The following ADGRD1 variants were observed in gnomAD, a reference collection of about 807,000 sequenced individuals.
ADGRD1 encodes the protein adhesion G protein-coupled receptor D1.
ADGRD1 carries 77 observed loss-of-function variants against 113.4 expected under a neutral mutation model. That is an observed-to-expected ratio of 0.68 (90% CI 0.57 to 0.82). ADGRD1 has a LOEUF of 0.82. Ranked by LOEUF, ADGRD1 falls within the 40% of genes least tolerant of loss-of-function variation. The probability of loss-of-function intolerance (pLI) is 0.00; values close to 1 mark genes in which losing one functional copy is unlikely to be tolerated. For missense variants in ADGRD1, 1,036 were observed against 1,139.1 expected (o/e 0.91, Z 1.30); for synonymous variants, 474 against 475.0 (o/e 1.00, Z 0.03).
intron 12 of ADGRD1, among the ~76,000 whole-genome samples, chr12:131,011,841 G>A (rs1566027691): frequency 1.3e-5 from 2 of 152,228 alleles, no homozygotes; most frequent in Admixed American, 1.3e-4. Context: ...CACAGAGAGT[G>A]AGAACCAGGC....
chr12:131,133,717 A>C (rs1454167147), intron 21 of ADGRD1, among the ~76,000 whole-genome samples: 2 of 152,154 alleles, frequency 1.3e-5, no homozygotes, highest in Non-Finnish European at 2.9e-5. Flanking sequence ...CCCCTCAGGG[A>C]TGCTTCCTCA....
chr12:131,044,345 G>A (rs987419610), intron 13 of ADGRD1, among the ~76,000 whole-genome samples: 1 of 152,162 alleles, frequency 6.6e-6, no homozygotes, highest in African/African-American at 2.4e-5. Context: ...CTGGGTCCGC[G>A]CGTGTTGCTG....
chr12:131,032,593 G>T (rs1314053837), intron 13 of ADGRD1, among the ~76,000 whole-genome samples: 1 of 152,196 alleles, frequency 6.6e-6, no homozygotes, highest in Non-Finnish European at 1.5e-5. Context: ...TGCTCACTGT[G>T]CTTCCTCCAG....
At position 130,971,397 on chromosome 12, in the gene ADGRD1, T is replaced by G. The variant is rs528268194; in HGVS notation, c.188-61T>G. ...AAGTTATTTGTAGGTCTGACACACA[T>G]CTTCAGACTTTTAATCTCGGAAGGT... On this transcript the variant is annotated intron_variant, in intron 3 of 24. Coordinates refer to ENST00000261654, the MANE Select transcript of ADGRD1 (RefSeq NM_198827.5). This position sits in a 1 kb window ranked among gnomAD's most constrained non-coding sequence, Gnocchi z 4.2. 1,669 of 1,448,386 alleles carry G rather than the reference T, an allele frequency of 1.2e-3. 5 individuals carry two copies. Among genetic ancestry groups the G allele is most frequent in the Non-Finnish European group, 1.4e-3 (1,486 of 1,044,032 alleles). 89.7% of individuals were successfully genotyped at this position (1,448,386 alleles called of 1,614,324 possible).
chr12:131,133,720 C>T (rs913674656), intron 21 of ADGRD1, among the ~76,000 whole-genome samples: 3 of 152,208 alleles, frequency 2.0e-5, no homozygotes, highest in African/African-American at 4.8e-5. Flanking sequence ...CTCAGGGATG[C>T]TTCCTCACAA....
chr12:131,050,958 C>T lies in ADGRD1; in HGVS notation c.1474-25843C>T, dbSNP rs1269770482. Reference sequence around the variant, plus strand: ...CCCACCGCTCTGTGTGCTGTGTGCCCGGTTCCTAACAGGCCACGGGCTGGT... The same window carrying T: ...CCCACCGCTCTGTGTGCTGTGTGCCTGGTTCCTAACAGGCCACGGGCTGGT... On this transcript the variant is annotated intron_variant, in intron 13 of 24. Transcript: ENST00000261654. The surrounding 1 kb of genome is among the most constrained non-coding windows in gnomAD (Gnocchi z 4.8). Among the ~76,000 whole-genome samples the T allele has an allele frequency of 3.9e-5, 6 of 152,204 alleles. No individual in the cohort carries two copies. In the South Asian group the frequency reaches 6.2e-4, roughly 16 times the overall value.
At chr12:131,048,071 A>G (rs1413485143) in intron 13 of ADGRD1, among the ~76,000 whole-genome samples, 1 of 152,186 alleles carries the variant, frequency 6.6e-6, no homozygotes, top group Admixed American at 6.5e-5. Context: ...ACCTCTCACC[A>G]GCTGGACTTG....
intron 13 of ADGRD1, among the ~76,000 whole-genome samples, chr12:131,055,765 C>T (rs940759922): frequency 6.6e-6 from 1 of 152,174 alleles, no homozygotes; most frequent in Non-Finnish European, 1.5e-5. Flanking sequence ...TGGGGACAGC[C>T]ACAGAGCTTC....
At chr12:131,109,461 T>C (rs866111308) in intron 18 of ADGRD1, among the ~76,000 whole-genome samples, 6 of 152,350 alleles carry the variant, frequency 3.9e-5, no homozygotes, top group Middle Eastern at 3.4e-3. Flanking sequence ...TAAATTCATC[T>C]CAAAGTATTT....
chr12:131,069,732 CAA>C (rs1885007429), intron 13 of ADGRD1: 1 of 152,128 alleles, frequency 6.6e-6, no homozygotes, highest in Non-Finnish European at 1.5e-5. Context: ...GTCATGAAAA[CAA>C]GACAAAATCC....
intron 5 of ADGRD1, among the ~76,000 whole-genome samples, chr12:130,983,769 A>T (rs1342209315): frequency 6.6e-6 from 1 of 152,208 alleles, no homozygotes; most frequent in African/African-American, 2.4e-5. Flanking sequence ...CCCTGATGTC[A>T]TTCTGGGTGA....
chr12:131,086,041 G>C (rs73166649), intron 15 of ADGRD1, among the ~76,000 whole-genome samples: 3 of 152,102 alleles, frequency 2.0e-5, no homozygotes, highest in Admixed American at 6.6e-5. Flanking sequence ...AGCTCAGGTG[G>C]TTCCCAGCAG....
chr12:130,987,440 A>G lies in ADGRD1; in HGVS notation c.745+91A>G. 2.0e-6 allele frequency: 3 copies of G among 1,470,868 alleles called. No homozygotes were observed. The South Asian group carries it at 3.7e-5, about 18-fold the overall frequency. The allele number at this position is 1,470,868 out of a possible 1,614,324, so 91.1% of individuals were successfully genotyped here. Reference sequence around the variant, plus strand: ...TCCTTTCTCCCCACTCTCCCGTTGCAGCTATCAGCACTGCAGGCGTGAGAT... The same window carrying G: ...TCCTTTCTCCCCACTCTCCCGTTGCGGCTATCAGCACTGCAGGCGTGAGAT... On this transcript the variant is annotated intron_variant, in intron 6 of 24. Coordinates refer to ENST00000261654, the MANE Select transcript of ADGRD1 (RefSeq NM_198827.5).
At chr12:131,089,443 C>T (rs1886748461) in intron 15 of ADGRD1, among the ~76,000 whole-genome samples, 1 of 152,230 alleles carries the variant, frequency 6.6e-6, no homozygotes, top group South Asian at 2.1e-4. Context: ...TGATTGTGGC[C>T]TTCACACAGC....
rs1326549166 is a variant in ADGRD1, at chr12:131,089,555, TC to T, written c.1671+4895del. On this transcript the variant is annotated intron_variant, in intron 15 of 24. Coordinates refer to ENST00000261654, the MANE Select transcript of ADGRD1 (RefSeq NM_198827.5). ...TTGGATACCCCCTGCCTGCAAGTGC[TC>T]CCTGCCAGTGGGTGCTCACTTCCTG... Among the ~76,000 whole-genome samples the T allele has an allele frequency of 4.6e-5, 7 of 152,126 alleles. No individual in the cohort carries two copies. In the East Asian group the frequency reaches 1.2e-3, roughly 25 times the overall value.
chr12:130,955,871 C>T (rs1251511602), intron 2 of ADGRD1, among the ~76,000 whole-genome samples: 1 of 152,226 alleles, frequency 6.6e-6, no homozygotes, highest in Non-Finnish European at 1.5e-5. Flanking sequence ...TCTCTGCTAC[C>T]TCTGCCTCCC....
At position 131,099,402 on chromosome 12, in the gene ADGRD1, G is replaced by T. The variant is rs115543553; in HGVS notation, c.1672-5429G>T. Among the ~76,000 whole-genome samples the T allele has an allele frequency of 9.3e-3, 1,419 of 152,300 alleles. 19 individuals carry two copies. Among genetic ancestry groups the T allele is most frequent in the African/African-American group, 0.032 (1,349 of 41,566 alleles). On this transcript the variant is annotated intron_variant, in intron 15 of 24. Coordinates refer to ENST00000261654, the MANE Select transcript of ADGRD1 (RefSeq NM_198827.5). ...TTAAGTAATACAATGACAAATCCAT[G>T]GCTGAATGTGTGTTACAACTAGAAA...
intron 13 of ADGRD1, among the ~76,000 whole-genome samples, chr12:131,051,486 C>CTTTGTTT (rs139359592): frequency 2.7e-5 from 4 of 147,182 alleles, no homozygotes; most frequent in Admixed American, 6.7e-5. Context: ...TCTTTCTTTT[C>CTTTGTTT]TTTTTTTTTT....
rs758980758 is a variant in ADGRD1 at position 131,139,295 on chromosome 12, C to G, written c.*32C>G. 2 of 1,455,910 alleles carry G rather than the reference C, an allele frequency of 1.4e-6. No individual in the cohort carries two copies. The highest frequency in any genetic ancestry group is 1.9e-6 in the Non-Finnish European group (2 of 1,050,250). The allele number at this position is 1,455,910 out of a possible 1,614,324, so 90.2% of individuals were successfully genotyped here. A position where few individuals can be genotyped will look rare whatever the true frequency, so the allele number is the denominator to read the frequency against. On this transcript the variant is annotated 3_prime_UTR_variant, in exon 25 of 25. Coordinates refer to ENST00000261654, the MANE Select transcript of ADGRD1 (RefSeq NM_198827.5). ...AGGCTGCCAACCAGGCCAGGCTGCG[C>G]TCAGAACACACCCCCCCAAACAGAA... is the stretch of plus-strand genomic sequence containing the variant.
Sources: gnomAD v4.1 joint callset for allele counts (sites outside exome capture counted in the v4.1 genomes callset) on GRCh38, gnomAD v4.1.1 for gene constraint, Gnocchi (gnomAD v3.1) non-coding constraint, MANE v1.5 for transcripts, NCBI Gene and HGNC (gene_info 2026-07-23, HGNC 2026-07-21) for gene names.